CA9: variants seen among roughly 807,000 people sequenced by gnomAD.
CA9 encodes CA-IX.
Under a neutral mutation model 51.8 loss-of-function variants are expected in CA9, and 43 were observed. The ratio of observed to expected loss-of-function variants is 0.83; its 90% CI spans 0.65 to 1.07. The LOEUF is 1.07. CA9 is among the 50% of genes least tolerant of loss of function. The pLI is 0.00. For missense variants in CA9, 574 were observed against 581.4 expected (o/e 0.99, Z 0.13); for synonymous variants, 253 against 244.2 (o/e 1.04, Z -0.34).
chr9:35,679,854 C>T lies in CA9; in HGVS notation c.1066C>T (p.Leu356Phe). ...NQTVMLSAKQ[L>F]HTLSDTLWGP... ...CCACACTGTCCACTGACCTCCCTAG[C>T]TCCACACCCTCTCTGACACCCTGTG... Residue 356 changes from leucine (L) to phenylalanine (F), a missense_variant and splice_region_variant, in exon 8 of 11, where the codon CTC becomes TTC. Physicochemically the swap from Leu to Phe is conservative, Grantham distance 22. Transcript: ENST00000378357. The T allele has an allele frequency of 6.2e-7, 1 of 1,604,124 alleles. No homozygotes were observed. Among genetic ancestry groups the T allele is most frequent in the Non-Finnish European group, 8.5e-7 (1 of 1,175,738 alleles).
intron 9 of CA9, 89 bp downstream of exon 9, chr9:35,680,228 TC>T: frequency 6.8e-7 from 1 of 1,469,616 alleles, no homozygotes; most frequent in Non-Finnish European, 9.5e-7. Context: ...CTCTGCTCCC[TC>T]TCCTTTTCTG....
chr9:35,679,998 G>A lies in CA9; in HGVS notation c.1210G>A (p.Val404Ile). ...CAGCAGTCCTCGGGCTGCTGAGCCAGGTACAGCTTTGTCTGGTTTCCCCCC... is the reference window on the plus strand; with the variant it reads ...CAGCAGTCCTCGGGCTGCTGAGCCAAGTACAGCTTTGTCTGGTTTCCCCCC... ...VDSSPRAAEP[V>I]QLNSCLAAGD... Residue 404 changes from valine (V) to isoleucine (I), a missense_variant and splice_region_variant, in exon 8 of 11, where the codon GTC becomes ATC. By Grantham distance (29) the Val-to-Ile change is conservative. Coordinates refer to ENST00000378357, the MANE Select transcript of CA9 (RefSeq NM_001216.3). 6.2e-7 allele frequency: 1 copy of A among 1,614,224 alleles called. No homozygotes were observed. The highest frequency in any genetic ancestry group is 8.5e-7 in the Non-Finnish European group (1 of 1,180,042).
intron 1 of CA9, chr9:35,675,300 A>G: frequency 1.7e-6 from 1 of 587,358 alleles, no homozygotes; most frequent in Non-Finnish European, 3.0e-6. Flanking sequence ...GGCCTGAAGC[A>G]GCCACTCACT....
At position 35,674,346 on chromosome 9, in the gene CA9, C is replaced by T. The variant is rs1276590022; in HGVS notation, c.387C>T (p.Ala129=). The change falls in exon 1 of 11, where the codon GCC becomes GCT. Residue 129 remains alanine, a synonymous_variant. Coordinates refer to ENST00000378357, the MANE Select transcript of CA9 (RefSeq NM_001216.3). ...ATCCTCAAGAACCCCAGAATAATGC[C>T]CACAGGGACAAAGAAGGTAAGTGGT... ...PGDPQEPQNN[A]HRDKEGDDQS... is the part of the protein sequence containing the mutation. 1 of 1,611,308 alleles carries T rather than the reference C, an allele frequency of 6.2e-7. No individual in the cohort carries two copies. The highest frequency in any genetic ancestry group is 8.5e-7 in the Non-Finnish European group (1 of 1,179,088).
At chr9:35,676,036 G>A (rs1284468524) in intron 3 of CA9, 28 bp from the exon 4 acceptor site, 1 of 1,610,650 alleles carries the variant, frequency 6.2e-7, no homozygotes, top group Non-Finnish European at 8.5e-7. Flanking sequence ...ACCGGGCGGG[G>A]CCGGCTCACT....
At chr9:35,680,883 G>C in intron 10 of CA9, 49 bp downstream of exon 10, 21 of 1,610,386 alleles carry the variant, frequency 1.3e-5, no homozygotes, top group Non-Finnish European at 1.8e-5. Context: ...CACCCTTGTG[G>C]AGTCACTTCA....
chr9:35,673,963 G>T lies in CA9; in HGVS notation c.4G>T (p.Ala2Ser). The change falls in exon 1 of 11, where the codon GCT (alanine) becomes TCT (serine). Residue 2 changes from alanine (A) to serine (S), a missense_variant. Ala to Ser is a moderately conservative substitution (Grantham distance 99). Transcript: ENST00000378357. Reference sequence around the variant, plus strand: ...GGGACACCCCACAGTCAGCCGCATGGCTCCCCTGTGCCCCAGCCCCTGGCT... The same window carrying T: ...GGGACACCCCACAGTCAGCCGCATGTCTCCCCTGTGCCCCAGCCCCTGGCT... M[A>S]PLCPSPWLPL... The T allele has an allele frequency of 4.4e-6, 7 of 1,596,480 alleles. No homozygotes were observed. Among genetic ancestry groups the T allele is most frequent in the Non-Finnish European group, 6.0e-6 (7 of 1,170,804 alleles).
Position 35,679,921 on chromosome 9 carries a change from C to T in CA9, c.1133C>T (p.Thr378Met), listed in dbSNP as rs575743710. Residue 378 changes from threonine to methionine, a missense_variant, in exon 8 of 11, where the codon ACG becomes ATG. Coordinates refer to ENST00000378357, the MANE Select transcript of CA9 (RefSeq NM_001216.3). ...DSRLQLNFRA[T>M]QPLNGRVIEA... ...CGGCTACAGCTGAACTTCCGAGCGA[C>T]GCAGCCTTTGAATGGGCGAGTGATT... The T allele has an allele frequency of 3.5e-5, 57 of 1,613,954 alleles. No homozygotes were observed. In the Admixed American group the frequency reaches 3.7e-4, roughly 10 times the overall value.
Position 35,677,815 on chromosome 9 carries a change from A to G in CA9, c.866A>G (p.Tyr289Cys), listed in dbSNP as rs543490354. The G allele has an allele frequency of 7.4e-6, 12 of 1,614,158 alleles. No individual in the cohort carries two copies. The East Asian group carries it at 1.8e-4, about 24-fold the overall frequency. ...GAGGGCCCGGAAGAAAACAGTGCCTATGAGCAGTTGCTGTCTCGCTTGGAA... is the reference window on the plus strand; with the variant it reads ...GAGGGCCCGGAAGAAAACAGTGCCTGTGAGCAGTTGCTGTCTCGCTTGGAA... ...LEEGPEENSAYEQLLSRLEEI... is the reference protein window; with the variant it reads ...LEEGPEENSACEQLLSRLEEI... The change falls in exon 6 of 11, where the codon TAT (tyrosine) becomes TGT (cysteine). Residue 289 changes from tyrosine to cysteine, a missense_variant. By Grantham distance (194) the Tyr-to-Cys change is radical (BLOSUM62 -2). Transcript: ENST00000378357.
At chr9:35,675,965 G>A (rs1824412252) in intron 3 of CA9, 34 bp downstream of exon 3, 1 of 1,600,756 alleles carries the variant, frequency 6.2e-7, no homozygotes, top group East Asian at 2.2e-5. Flanking sequence ...CTTGGGGATG[G>A]GGCGGGGCGC....
At chr9:35,678,700 C>CTTTTTTTTTT (rs71800585) in intron 6 of CA9, among the ~76,000 whole-genome samples, 3 of 131,964 alleles carry the variant, frequency 2.3e-5, no homozygotes, top group Non-Finnish European at 3.1e-5. Flanking sequence ...CTTTTCTTTT[C>CTTTTTTTTTT]TTTTTTTTTT....
At chr9:35,678,700 C>CTTTTTTTTTTTTTTTTTT (rs71800585) in intron 6 of CA9, among the ~76,000 whole-genome samples, 1 of 131,966 alleles carries the variant, frequency 7.6e-6, no homozygotes, top group Non-Finnish European at 1.6e-5. Flanking sequence ...CTTTTCTTTT[C>CTTTTTTTTTTTTTTTTTT]TTTTTTTTTT....
intron 5 of CA9, among the ~76,000 whole-genome samples, chr9:35,677,340 C>A (rs1225397023): frequency 6.6e-6 from 1 of 152,086 alleles, no homozygotes; most frequent in African/African-American, 2.4e-5. Context: ...AAAAGCCAAA[C>A]ACAGAATCAT....
intron 1 of CA9, 103 bp downstream of exon 1, chr9:35,674,465 T>A: frequency 9.1e-7 from 1 of 1,099,412 alleles, no homozygotes. Flanking sequence ...GGGGAGACTG[T>A]ACTCCCCACA....
At chr9:35,678,695 CTTTTCTT>C (rs1468130882) in intron 6 of CA9, among the ~76,000 whole-genome samples, 46 of 129,900 alleles carry the variant, frequency 3.5e-4, no homozygotes, top group Non-Finnish European at 7.2e-4. Context: ...TTTTTCTTTT[CTTTTCTT>C]TTTTTTTTTT....
At chr9:35,674,522 G>A (rs562104373) in intron 1 of CA9, 160 bp downstream of exon 1, 22 of 640,500 alleles carry the variant, frequency 3.4e-5, no homozygotes, top group South Asian at 1.3e-4. Flanking sequence ...CCCCACTCTC[G>A]GAGGTAGAAA....
In CA9 at chr9:35,674,119, T is replaced by C; in HGVS notation, c.160T>C (p.Ser54Pro). ...GGATTCCCCCTTGGGAGGAGGCTCTTCTGGGGAAGATGACCCACTGGGCGA... is the reference window on the plus strand; with the variant it reads ...GGATTCCCCCTTGGGAGGAGGCTCTCCTGGGGAAGATGACCCACTGGGCGA... ...QEDSPLGGGS[S>P]GEDDPLGEED... The change falls in exon 1 of 11, where the codon TCT becomes CCT. Residue 54 changes from serine to proline, a missense_variant. By Grantham distance (74) the Ser-to-Pro change is moderately conservative. Coordinates refer to ENST00000378357, the MANE Select transcript of CA9 (RefSeq NM_001216.3). The C allele has an allele frequency of 1.2e-6, 2 of 1,614,132 alleles. No individual in the cohort carries two copies. Among genetic ancestry groups the C allele is most frequent in the Non-Finnish European group, 8.5e-7 (1 of 1,179,980 alleles).
At chr9:35,677,720 C>G in intron 5 of CA9, 70 bp from the exon 6 acceptor site, 5 of 1,207,812 alleles carry the variant, frequency 4.1e-6, no homozygotes, top group Non-Finnish European at 6.2e-6. Context: ...GGGAACCCCC[C>G]TTCATGTTCC....
chr9:35,680,661 G>T, intron 9 of CA9, 92 bp from the exon 10 acceptor site: 1 of 1,016,654 alleles, frequency 9.8e-7, no homozygotes, highest in Admixed American at 1.9e-5. Context: ...AGAACTCGGG[G>T]CAGGGGTGGT....
Sources: gnomAD v4.1 joint callset for allele counts (sites outside exome capture counted in the v4.1 genomes callset) on GRCh38, gnomAD v4.1.1 for gene constraint, MANE v1.5 for transcripts, NCBI Gene and HGNC (gene_info 2026-07-23, HGNC 2026-07-21) for gene names.